Variants in ZC3H8 observed in about 807,000 individuals in gnomAD.
The protein encoded by ZC3H8 is zinc finger CCCH-type containing 8.
ZC3H8 carries 27 observed loss-of-function variants against 42.5 expected under a neutral mutation model. The ratio of observed to expected loss-of-function variants is 0.64; its 90% CI spans 0.47 to 0.88. ZC3H8 has a LOEUF of 0.88. Among genes scored for constraint, ZC3H8 ranks in the 40% least tolerant of loss-of-function variants. The probability of loss-of-function intolerance (pLI) is 0.00; values close to 1 mark genes in which losing one functional copy is unlikely to be tolerated. For synonymous variants in ZC3H8, 101 were observed against 110.1 expected, an observed-to-expected ratio of 0.92 and a Z score of 0.52; for missense variants, 277 against 336.1, an observed-to-expected ratio of 0.82 and a Z score of 1.37.
intron 2 of ZC3H8, among the ~76,000 whole-genome samples, chr2:112,245,315 T>C (rs1685717771): frequency 6.6e-6 from 1 of 151,982 alleles, no homozygotes; most frequent in African/African-American, 2.4e-5. Flanking sequence ...TTAGCAGAGG[T>C]TGGTTCTTGA....
chr2:112,253,089 G>A (rs1010375943), intron 1 of ZC3H8, among the ~76,000 whole-genome samples: 2 of 151,820 alleles, frequency 1.3e-5, no homozygotes, highest in East Asian at 1.9e-4. Context: ...AGCCGAGATC[G>A]CGCCACTGCA....
Position 112,212,400 on chromosome 2 carries a change from A to G in ZC3H8, c.*4084T>C, listed in dbSNP as rs1029402394. The G allele has an allele frequency of 3.9e-5, 6 of 152,238 alleles. No individual in the cohort carries two copies. The highest frequency in any genetic ancestry group is 1.4e-4 in the African/African-American group (6 of 41,462). 9.4% of individuals were successfully genotyped at this position (152,238 alleles called of 1,614,324 possible). A position where few individuals can be genotyped will look rare whatever the true frequency, so the allele number is the denominator to read the frequency against. On this transcript the variant is annotated 3_prime_UTR_variant, in exon 9 of 9. Transcript: ENST00000409573. ...TAATGTGTGCTCTTTGCAGGAGCTG[A>G]ATACAATGAATGTAGTTTTTGGTGA...
chr2:112,250,072 A>T, intron 2 of ZC3H8, 119 bp downstream of exon 2: 20 of 594,764 alleles, frequency 3.4e-5, no homozygotes, highest in Non-Finnish European at 5.6e-5. Flanking sequence ...GACAAGTAGG[A>T]TCCTTCATTA....
chr2:112,239,863 C>T (rs1685510484), intron 2 of ZC3H8, among the ~76,000 whole-genome samples: 1 of 152,004 alleles, frequency 6.6e-6, no homozygotes, highest in Non-Finnish European at 1.5e-5. Flanking sequence ...AGGATTACAG[C>T]CATGAGCCAC....
At chr2:112,237,787 G>A (rs1198193161) in intron 3 of ZC3H8, among the ~76,000 whole-genome samples, 2 of 151,830 alleles carry the variant, frequency 1.3e-5, no homozygotes, top group East Asian at 1.9e-4. Flanking sequence ...GGCTGGTCTC[G>A]AACTCCTGAC....
chr2:112,228,837 T>TAA, intron 8 of ZC3H8, among the ~76,000 whole-genome samples: 1 of 152,274 alleles, frequency 6.6e-6, no homozygotes, highest in Middle Eastern at 3.4e-3. Flanking sequence ...ATGTATCTAA[T>TAA]AAAGGATCTG....
chr2:112,235,955 A>AT (rs1192881244), intron 4 of ZC3H8, among the ~76,000 whole-genome samples: 1 of 150,998 alleles, frequency 6.6e-6, no homozygotes, highest in Non-Finnish European at 1.5e-5. Flanking sequence ...AAAAAAAAAA[A>AT]ATCAAGGAGT....
intron 6 of ZC3H8, among the ~76,000 whole-genome samples, chr2:112,232,256 CA>C (rs1685127166): frequency 7.0e-6 from 1 of 142,434 alleles, no homozygotes; most frequent in South Asian, 2.2e-4. Context: ...GCGGAGGTTG[CA>C]GCGAACCAAG....
At chr2:112,235,931 A>G (rs1414019099) in intron 4 of ZC3H8, among the ~76,000 whole-genome samples, 4 of 87,346 alleles carry the variant, frequency 4.6e-5, no homozygotes, top group Non-Finnish European at 8.7e-5. Context: ...TTGATAGTAT[A>G]ACACTAAAAA....
chr2:112,248,528 T>C (rs1685835367), intron 2 of ZC3H8, among the ~76,000 whole-genome samples: 1 of 152,130 alleles, frequency 6.6e-6, no homozygotes, highest in Admixed American at 6.6e-5. Context: ...TTTGCTCTTG[T>C]TGCCCAGGCT....
At chr2:112,232,140 C>T (rs531195160) in intron 6 of ZC3H8, among the ~76,000 whole-genome samples, 193 bp from the exon 7 acceptor site, 22 of 152,008 alleles carry the variant, frequency 1.4e-4, no homozygotes, top group African/African-American at 4.8e-4. Flanking sequence ...CGAAACCTCG[C>T]CTTTACTAAA....
At position 112,236,544 on chromosome 2, in the gene ZC3H8, A is replaced by C. The variant is rs754093657; in HGVS notation, c.504+18T>G. Reference sequence around the variant, plus strand: ...GCATGCAGGGGTCAGGTATTCCTAGAAGCATATATTCCAATACCTCTTCCT... The same window carrying C: ...GCATGCAGGGGTCAGGTATTCCTAGCAGCATATATTCCAATACCTCTTCCT... On this transcript the variant is annotated intron_variant, in intron 4 of 8. Coordinates refer to ENST00000409573, the MANE Select transcript of ZC3H8 (RefSeq NM_032494.3). The C allele has an allele frequency of 5.9e-5, 95 of 1,609,068 alleles. No homozygotes were observed. The highest frequency in any genetic ancestry group is 7.8e-5 in the Non-Finnish European group (92 of 1,178,544).
rs955107051 is a variant in ZC3H8, at chr2:112,212,420, T to C, written c.*4064A>G. ...AGCTGAATACAATGAATGTAGTTTT[T>C]GGTGAAGAGGATGGCGAGGGGGAGA... On this transcript the variant is annotated 3_prime_UTR_variant, in exon 9 of 9. Coordinates refer to ENST00000409573, the MANE Select transcript of ZC3H8 (RefSeq NM_032494.3). 2 of 152,234 alleles carry C rather than the reference T, an allele frequency of 1.3e-5. No individual in the cohort carries two copies. Among genetic ancestry groups the C allele is most frequent in the Non-Finnish European group, 2.9e-5 (2 of 68,048 alleles). The allele number at this position is 152,234 out of a possible 1,614,324, so 9.4% of individuals were successfully genotyped here.
In ZC3H8 at chr2:112,215,840, C is replaced by G. The variant is rs994585985; in HGVS notation, c.*644G>C. 6.6e-6 allele frequency: 1 copy of G among 152,012 alleles called. No homozygotes were observed. The allele number at this position is 152,012 out of a possible 1,614,324, so 9.4% of individuals were successfully genotyped here. On this transcript the variant is annotated 3_prime_UTR_variant, in exon 9 of 9. Coordinates refer to ENST00000409573, the MANE Select transcript of ZC3H8 (RefSeq NM_032494.3). Reference sequence around the variant, plus strand: ...GATAAATATTCTTATATTTTAACAACAGAAAAGTTACGAACTCTAAATTTA... The same window carrying G: ...GATAAATATTCTTATATTTTAACAAGAGAAAAGTTACGAACTCTAAATTTA...
rs369245159 is a variant in ZC3H8 at position 112,214,168 on chromosome 2, G to C, written c.*2316C>G. On this transcript the variant is annotated 3_prime_UTR_variant, in exon 9 of 9. Coordinates refer to ENST00000409573, the MANE Select transcript of ZC3H8 (RefSeq NM_032494.3). ...TCACCATGTTAGCCAGGATGGTCTC[G>C]ATCTCCTGACCTCATGATCCGCCCA... The C allele has an allele frequency of 2.6e-5, 4 of 151,762 alleles. No homozygotes were observed. The highest frequency in any genetic ancestry group is 5.9e-5 in the Non-Finnish European group (4 of 67,966). 9.4% of individuals were successfully genotyped at this position (151,762 alleles called of 1,614,324 possible). A position where few individuals can be genotyped will look rare whatever the true frequency, so the allele number is the denominator to read the frequency against.
Position 112,231,820 on chromosome 2 carries a change from A to G in ZC3H8, c.843+18T>C. ...CTTAAAAAAGAAAAAACAAAAGATT[A>G]TTAAAAATTATACTTACTTTAGCCA... On this transcript the variant is annotated intron_variant, in intron 7 of 8. Coordinates refer to ENST00000409573, the MANE Select transcript of ZC3H8 (RefSeq NM_032494.3). 1 of 1,469,498 alleles carries G rather than the reference A, an allele frequency of 6.8e-7. No individual in the cohort carries two copies. The highest frequency in any genetic ancestry group is 9.3e-7 in the Non-Finnish European group (1 of 1,079,794). 91.0% of individuals were successfully genotyped at this position (1,469,498 alleles called of 1,614,324 possible).
At chr2:112,223,780 A>G (rs913601753) in intron 8 of ZC3H8, among the ~76,000 whole-genome samples, 4 of 152,252 alleles carry the variant, frequency 2.6e-5, no homozygotes, top group African/African-American at 9.6e-5. Context: ...GGTTCTTTCT[A>G]GAGAATAATG....
At chr2:112,224,889 T>C (rs1017967471) in intron 8 of ZC3H8, among the ~76,000 whole-genome samples, 1 of 152,204 alleles carries the variant, frequency 6.6e-6, no homozygotes, top group African/African-American at 2.4e-5. Flanking sequence ...TATTTATTGA[T>C]TGTGGTGGTA....
At chr2:112,234,498 A>AT (rs1685230538) in intron 4 of ZC3H8, among the ~76,000 whole-genome samples, 2 of 152,150 alleles carry the variant, frequency 1.3e-5, no homozygotes, top group South Asian at 4.1e-4. Flanking sequence ...GTAAAAATGA[A>AT]TGAAAAAAAT....
Sources: allele counts gnomAD v4.1 joint callset (sites outside exome capture counted in the v4.1 genomes callset), GRCh38; gene constraint gnomAD v4.1.1; transcripts MANE v1.5; gene names NCBI Gene and HGNC (gene_info 2026-07-23, HGNC 2026-07-21).